CTSH: variants seen among roughly 807,000 people sequenced by gnomAD.
CTSH encodes the protein pro-cathepsin H.
CTSH carries 52 observed loss-of-function variants against 56.3 expected under a neutral mutation model. The ratio of observed to expected loss-of-function variants is 0.92; its 90% CI spans 0.74 to 1.16. CTSH has a LOEUF of 1.16. CTSH is among the 50% of genes most tolerant of loss of function. The pLI, the probability that CTSH is intolerant of heterozygous loss-of-function variation, is 0.00. For synonymous variants in CTSH, 174 were observed against 155.7 expected, an observed-to-expected ratio of 1.12 and a Z score of -0.88; for missense variants, 406 against 424.5, an observed-to-expected ratio of 0.96 and a Z score of 0.38.
chr15:78,936,659 C>T (rs1458237249), intron 3 of CTSH, among the ~76,000 whole-genome samples: 1 of 151,074 alleles, frequency 6.6e-6, no homozygotes, highest in Non-Finnish European at 1.5e-5. Context: ...GATGGAGTTT[C>T]ACTCTTGTTG....
chr15:78,937,503 G>T, intron 2 of CTSH, 80 bp from the exon 3 acceptor site: 1 of 1,419,648 alleles, frequency 7.0e-7, no homozygotes, highest in Non-Finnish European at 9.7e-7. Context: ...TTTCCTAAGA[G>T]GAAAGATGAA....
chr15:78,925,600 G>T (rs2054887109), intron 9 of CTSH, 160 bp from the exon 10 acceptor site: 2 of 576,646 alleles, frequency 3.5e-6, no homozygotes, highest in Middle Eastern at 4.5e-4. Flanking sequence ...TCTCTGGCTG[G>T]GTCTGTCTGG....
intron 1 of CTSH, chr15:78,944,500 G>A (rs1440664715): frequency 5.9e-6 from 1 of 170,458 alleles, no homozygotes; most frequent in Admixed American, 6.3e-5. Context: ...CAAGTCCCGG[G>A]GGAAGCTGCT....
intron 1 of CTSH, among the ~76,000 whole-genome samples, chr15:78,944,121 T>G (rs1359867428): frequency 6.6e-6 from 1 of 152,154 alleles, no homozygotes; most frequent in African/African-American, 2.4e-5. Context: ...GCTACTTTTC[T>G]CGGTGAAGGG....
chr15:78,927,881 C>T (rs141180232), intron 8 of CTSH, 100 bp from the exon 9 acceptor site: 10 of 946,558 alleles, frequency 1.1e-5, no homozygotes, highest in African/African-American at 1.6e-5. Flanking sequence ...CAAGATGTGC[C>T]AGGGCCTGGG....
At chr15:78,931,344 G>T in intron 7 of CTSH, 107 bp downstream of exon 7, 1 of 1,446,880 alleles carries the variant, frequency 6.9e-7, no homozygotes. Flanking sequence ...CCATCGCCCA[G>T]GGCAGTGGTG....
At chr15:78,925,663 G>C (rs1395282357) in intron 9 of CTSH, 3 of 481,928 alleles carry the variant, frequency 6.2e-6, no homozygotes, top group African/African-American at 2.0e-5. Context: ...TGCACCCTCT[G>C]AGATAGGGAC....
intron 9 of CTSH, 88 bp downstream of exon 9, chr15:78,927,625 C>T: frequency 8.4e-7 from 1 of 1,188,092 alleles, no homozygotes. Flanking sequence ...GAAGGGCTGC[C>T]TTGCTGGGCC....
chr15:78,941,795 CAA>C (rs34594037), intron 1 of CTSH, among the ~76,000 whole-genome samples: 5 of 121,678 alleles, frequency 4.1e-5, no homozygotes, highest in Admixed American at 8.3e-5. Context: ...GACTCCGTCT[CAA>C]AAAAAAAAAA....
intron 8 of CTSH, 30 bp downstream of exon 8, chr15:78,929,377 CGCCAA>C: frequency 1.3e-6 from 2 of 1,535,954 alleles, no homozygotes; most frequent in Non-Finnish European, 1.8e-6. Context: ...GCATGCTGTA[CGCCAA>C]GAAGACAGAG....
chr15:78,926,368 T>C (rs943541511), intron 9 of CTSH: 2 of 152,270 alleles, frequency 1.3e-5, no homozygotes, highest in Non-Finnish European at 2.9e-5. Flanking sequence ...TCAGGGCATA[T>C]CTGAGACATG....
intron 5 of CTSH, 97 bp from the exon 6 acceptor site, chr15:78,932,555 C>T (rs966534903): frequency 1.9e-5 from 17 of 899,922 alleles, no homozygotes; most frequent in African/African-American, 8.3e-5. Flanking sequence ...CCAGAGCTCC[C>T]GAGTCCCCAG....
At chr15:78,937,006 C>T (rs1458516393) in intron 3 of CTSH, 1 of 329,756 alleles carries the variant, frequency 3.0e-6, no homozygotes, top group African/African-American at 2.1e-5. Flanking sequence ...TGAGCAACCC[C>T]TACCCCCCGC....
intron 9 of CTSH, 128 bp from the exon 10 acceptor site, chr15:78,925,568 C>T: frequency 1.6e-6 from 1 of 630,410 alleles, no homozygotes; most frequent in South Asian, 1.7e-5. Flanking sequence ...AGCAGCTCCC[C>T]TGCGGCCTCT....
intron 1 of CTSH, among the ~76,000 whole-genome samples, chr15:78,944,088 T>C (rs1366151986): frequency 6.6e-6 from 1 of 152,236 alleles, no homozygotes; most frequent in Non-Finnish European, 1.5e-5. Flanking sequence ...CCCTAGGTTC[T>C]TGGCTCCTTG....
At chr15:78,923,840 C>T (rs1319993989) in intron 10 of CTSH, among the ~76,000 whole-genome samples, 2 of 152,258 alleles carry the variant, frequency 1.3e-5, no homozygotes, top group East Asian at 3.9e-4. Flanking sequence ...AGTGAACTAG[C>T]CTCCATAAGG....
At chr15:78,944,778 C>A in intron 1 of CTSH, 113 bp downstream of exon 1, 1 of 1,389,692 alleles carries the variant, frequency 7.2e-7, no homozygotes. Context: ...GGCCTCTCAC[C>A]GGGGAAAGCT....
At position 78,939,181 on chromosome 15, in the gene CTSH, G is replaced by A. The variant is rs76874364; in HGVS notation, c.92-10C>T. On this transcript the variant is annotated splice_polypyrimidine_tract_variant and intron_variant, in intron 1 of 11. Transcript: ENST00000220166. ...TTGAAGTGAAACTTCTCTGTAAAAAGAAAAAAAAAATTAGGTCTGGGCGCA... is the reference window on the plus strand; with the variant it reads ...TTGAAGTGAAACTTCTCTGTAAAAAAAAAAAAAAAATTAGGTCTGGGCGCA... 1.5e-4 allele frequency: 211 copies of A among 1,395,166 alleles called. No individual in the cohort carries two copies. The highest frequency in any genetic ancestry group is 8.4e-4 in the Admixed American group (43 of 51,490). The allele number at this position is 1,395,166 out of a possible 1,614,324, so 86.4% of individuals were successfully genotyped here.
At chr15:78,932,483 G>A in intron 5 of CTSH, 25 bp from the exon 6 acceptor site, 4 of 1,584,748 alleles carry the variant, frequency 2.5e-6, no homozygotes, top group Non-Finnish European at 2.6e-6. Flanking sequence ...GGAGAGCAGA[G>A]GACATCAGTG....
Sources: gnomAD v4.1 joint callset for allele counts (sites outside exome capture counted in the v4.1 genomes callset) on GRCh38, gnomAD v4.1.1 for gene constraint, MANE v1.5 for transcripts, NCBI Gene and HGNC (gene_info 2026-07-23, HGNC 2026-07-21) for gene names.